Variants in GABRG1 observed in about 807,000 individuals in gnomAD.
GABRG1 encodes the protein gamma-aminobutyric acid receptor subunit gamma-1.
A neutral mutation model predicts 49.8 loss-of-function variants in GABRG1; 49 were observed. The observed-to-expected ratio is 0.98, with a 90% CI of 0.78 to 1.25. GABRG1 has a LOEUF of 1.25. Ranked by LOEUF, GABRG1 falls within the 50% of genes most tolerant of loss-of-function variation. GABRG1 has a pLI of 0.00. For synonymous variants in GABRG1, 232 were observed against 185.1 expected (o/e 1.25, Z -2.06); for missense variants, 552 against 552.3 (o/e 1.00, Z 0.01).
chr4:46,097,392 C>G lies in GABRG1; in HGVS notation c.105-43G>C, dbSNP rs374693940. 7 of 1,552,568 alleles carry G rather than the reference C, an allele frequency of 4.5e-6. No homozygotes were observed. The African/African-American group carries it at 8.3e-5, about 18-fold the overall frequency. ...AAAAATGGATGGTAGAAGGTTCAAT[C>G]AAATCATGTATAAAAGTATAGTTTA... is the stretch of plus-strand genomic sequence containing the variant. On this transcript the variant is annotated intron_variant, in intron 1 of 8. Transcript: ENST00000295452.
At chr4:46,059,490 C>T (rs1291584083) in intron 5 of GABRG1, among the ~76,000 whole-genome samples, 1 of 151,944 alleles carries the variant, frequency 6.6e-6, no homozygotes, top group African/African-American at 2.4e-5. Flanking sequence ...CAGGTTCAAG[C>T]AATTCTCATG....
At chr4:46,090,019 TGG>T (rs1009601755) in intron 2 of GABRG1, among the ~76,000 whole-genome samples, 10 of 152,062 alleles carry the variant, frequency 6.6e-5, no homozygotes, top group Non-Finnish European at 1.2e-4. Flanking sequence ...GAAGCTTAAC[TGG>T]ATGAACAAAA....
intron 5 of GABRG1, among the ~76,000 whole-genome samples, chr4:46,060,502 T>G (rs1169554088): frequency 6.6e-6 from 1 of 152,192 alleles, no homozygotes; most frequent in African/African-American, 2.4e-5. Flanking sequence ...AAAAGTTCTT[T>G]CTACGTATGG....
At chr4:46,065,766 A>G (rs1718894233) in intron 3 of GABRG1, among the ~76,000 whole-genome samples, 182 bp from the exon 4 acceptor site, 1 of 152,096 alleles carries the variant, frequency 6.6e-6, no homozygotes, top group Non-Finnish European at 1.5e-5. Context: ...TCTGTCTCCC[A>G]GGCCGGAGTG....
At chr4:46,056,151 TAAAAAAAAAA>T (rs1182116080) in intron 7 of GABRG1, among the ~76,000 whole-genome samples, 1 of 9,144 alleles carries the variant, frequency 1.1e-4, no homozygotes, top group Non-Finnish European at 1.6e-4. Flanking sequence ...ATAAATAAAT[TAAAAAAAAAA>T]AAAAAAAAAA....
Position 46,098,645 on chromosome 4 carries a change from T to C in GABRG1, c.105-1296A>G, listed in dbSNP as rs141949624. Among the ~76,000 whole-genome samples the C allele has an allele frequency of 5.8e-4, 88 of 151,858 alleles. 1 individual carries two copies. Among genetic ancestry groups the C allele is most frequent in the African/African-American group, 1.9e-3 (80 of 41,502 alleles). On this transcript the variant is annotated intron_variant, in intron 1 of 8. Transcript: ENST00000295452. Reference sequence around the variant, plus strand: ...GAACACGCCAGTCCGAGATGTTTATTTTATGTTGGACTACCCTGGTCTTGA... The same window carrying C: ...GAACACGCCAGTCCGAGATGTTTATCTTATGTTGGACTACCCTGGTCTTGA...
At chr4:46,115,731 T>G (rs572177053) in intron 1 of GABRG1, among the ~76,000 whole-genome samples, 1 of 150,906 alleles carries the variant, frequency 6.6e-6, no homozygotes, top group East Asian at 2.0e-4. Flanking sequence ...ACATCTAAAA[T>G]AGGAAACAAA....
chr4:46,045,793 C>G (rs758293446), intron 8 of GABRG1, among the ~76,000 whole-genome samples: 44 of 151,972 alleles, frequency 2.9e-4, no homozygotes, highest in Non-Finnish European at 5.6e-4. Context: ...ACTCAATCTC[C>G]TGACCCCGTG....
intron 3 of GABRG1, among the ~76,000 whole-genome samples, chr4:46,079,488 A>C (rs191975926): frequency 1.3e-5 from 2 of 152,028 alleles, no homozygotes; most frequent in African/African-American, 4.8e-5. Flanking sequence ...ATTTAAATTA[A>C]GTTCTGCAGA....
At chr4:46,063,808 T>C (rs1353158208) in intron 5 of GABRG1, among the ~76,000 whole-genome samples, 1 of 152,142 alleles carries the variant, frequency 6.6e-6, no homozygotes, top group Non-Finnish European at 1.5e-5. Flanking sequence ...ATCCAGAATC[T>C]ACAATGAACT....
At position 46,039,188 on chromosome 4, in the gene GABRG1, G is replaced by T. The variant is rs1259318873; in HGVS notation, c.*1800C>A. 3.3e-5 allele frequency: 5 copies of T among 151,484 alleles called. No individual in the cohort carries two copies. In the South Asian group the frequency reaches 1.0e-3, roughly 31 times the overall value. 9.4% of individuals were successfully genotyped at this position (151,484 alleles called of 1,614,324 possible). ...AGTACTCAATGTTATTAAAATGAAT[G>T]TATGAATAATCTGTAAATGAATATA... On this transcript the variant is annotated 3_prime_UTR_variant, in exon 9 of 9. Transcript: ENST00000295452.
intron 4 of GABRG1, among the ~76,000 whole-genome samples, chr4:46,064,800 ATATGT>A (rs1211408675): frequency 6.6e-6 from 1 of 152,130 alleles, no homozygotes; most frequent in Non-Finnish European, 1.5e-5. Context: ...TCATACTTCA[ATATGT>A]CAGCAAACAC....
chr4:46,071,684 T>G (rs1390165740), intron 3 of GABRG1, among the ~76,000 whole-genome samples: 3 of 151,494 alleles, frequency 2.0e-5, no homozygotes, highest in Non-Finnish European at 4.4e-5. Context: ...CCATGTAGAC[T>G]AATGTGTAGG....
chr4:46,079,279 G>A (rs1013399613), intron 3 of GABRG1, among the ~76,000 whole-genome samples: 1 of 151,734 alleles, frequency 6.6e-6, no homozygotes, highest in African/African-American at 2.4e-5. Context: ...TATAGCCCAG[G>A]TGACTTCCCA....
chr4:46,049,698 A>G lies in GABRG1; in HGVS notation c.1131+1726T>C, dbSNP rs1718139078. On this transcript the variant is annotated intron_variant, in intron 8 of 8. Coordinates refer to ENST00000295452, the MANE Select transcript of GABRG1 (RefSeq NM_173536.4). ...TGCCTAGATTATGGAAGTCCTTAAT[A>G]AATAGTTGATGAATGATTGAATAAC... is the stretch of plus-strand genomic sequence containing the variant. 2.0e-5 allele frequency among the ~76,000 whole-genome samples: 3 copies of G among 151,942 alleles called. No individual in the cohort carries two copies. In the South Asian group the frequency reaches 6.2e-4, roughly 31 times the overall value.
rs998615549 is a variant in GABRG1, at chr4:46,123,969, T to C, written c.-56A>G. The C allele has an allele frequency of 7.6e-7, 1 of 1,317,170 alleles. No homozygotes were observed. The highest frequency in any genetic ancestry group is 1.4e-5 in the African/African-American group (1 of 69,198). 81.6% of individuals were successfully genotyped at this position (1,317,170 alleles called of 1,614,324 possible). A position where few individuals can be genotyped will look rare whatever the true frequency, so the allele number is the denominator to read the frequency against. ...GCTCAATTCTCCCAGCCAGGACTTTTCCTCCCACCTCAGCAGCAGCTGGCT... is the reference window on the plus strand; with the variant it reads ...GCTCAATTCTCCCAGCCAGGACTTTCCCTCCCACCTCAGCAGCAGCTGGCT... On this transcript the variant is annotated 5_prime_UTR_variant, in exon 1 of 9. Coordinates refer to ENST00000295452, the MANE Select transcript of GABRG1 (RefSeq NM_173536.4).
intron 8 of GABRG1, among the ~76,000 whole-genome samples, chr4:46,043,848 T>C (rs1717879592): frequency 6.6e-6 from 1 of 151,974 alleles, no homozygotes; most frequent in African/African-American, 2.4e-5. Context: ...TGTCTAGTTA[T>C]ATACTAATAA....
At chr4:46,066,718 A>C (rs542956356) in intron 3 of GABRG1, among the ~76,000 whole-genome samples, 324 of 152,160 alleles carry the variant, frequency 2.1e-3, no homozygotes, top group African/African-American at 7.5e-3. Context: ...AGATGATTAG[A>C]TATTATCTAC....
rs973728110 is a variant in GABRG1 at position 46,039,312 on chromosome 4, T to C, written c.*1676A>G. Reference sequence around the variant, plus strand: ...ATTCATGCTTATTTTTTTCCAGAAGTTTATGAGCAAGTGAAAAAAAAAATA... The same window carrying C: ...ATTCATGCTTATTTTTTTCCAGAAGCTTATGAGCAAGTGAAAAAAAAAATA... On this transcript the variant is annotated 3_prime_UTR_variant, in exon 9 of 9. Transcript: ENST00000295452. 6.6e-6 allele frequency: 1 copy of C among 151,346 alleles called. No homozygotes were observed. The highest frequency in any genetic ancestry group is 1.5e-5 in the Non-Finnish European group (1 of 67,654). 9.4% of individuals were successfully genotyped at this position (151,346 alleles called of 1,614,324 possible). A position where few individuals can be genotyped will look rare whatever the true frequency, so the allele number is the denominator to read the frequency against.
Sources: allele counts gnomAD v4.1 joint callset (sites outside exome capture counted in the v4.1 genomes callset), GRCh38; gene constraint gnomAD v4.1.1; transcripts MANE v1.5; gene names NCBI Gene and HGNC (gene_info 2026-07-23, HGNC 2026-07-21).